Variants in FBXL13 observed in about 807,000 individuals in gnomAD.
FBXL13 encodes the protein F-box and leucine-rich repeat protein 13.
In FBXL13, 67 loss-of-function variants were observed where a neutral mutation model predicts 83.6. The observed-to-expected ratio is 0.80, with a 90% CI of 0.66 to 0.98. FBXL13 has a LOEUF of 0.98. Among genes scored for constraint, FBXL13 ranks in the 50% least tolerant of loss-of-function variants. The pLI is 0.00. For missense variants in FBXL13, 822 were observed against 866.5 expected (o/e 0.95, Z 0.64); for synonymous variants, 272 against 299.5 (o/e 0.91, Z 0.95).
intron 14 of FBXL13, among the ~76,000 whole-genome samples, chr7:102,881,777 TG>T (rs144077533): frequency 0.015 from 2,220 of 152,310 alleles, 49 homozygotes; most frequent in African/African-American, 0.05. Flanking sequence ...AAGGTTTGAC[TG>T]GGGCTGTAGG....
chr7:102,917,809 GC>G lies in FBXL13; in HGVS notation c.879-4595del, dbSNP rs561678174. Reference sequence around the variant, plus strand: ...AGAGGCAGCACCACCAGGATACTGTGCCAAATGAGGTGCTGAGAGTGCCACC... The same window carrying G: ...AGAGGCAGCACCACCAGGATACTGTGCAAATGAGGTGCTGAGAGTGCCACC... On this transcript the variant is annotated intron_variant, in intron 10 of 19. Coordinates refer to ENST00000313221, the Ensembl canonical transcript of FBXL13. 3.3e-5 allele frequency among the ~76,000 whole-genome samples: 5 copies of G among 152,326 alleles called. No individual in the cohort carries two copies. The East Asian group carries it at 9.6e-4, about 29-fold the overall frequency.
chr7:102,954,242 A>G (rs1458497384), intron 8 of FBXL13, among the ~76,000 whole-genome samples: 1 of 152,176 alleles, frequency 6.6e-6, no homozygotes, highest in Non-Finnish European at 1.5e-5. Flanking sequence ...GCACTTTAAC[A>G]TTCTTAAAGA....
At chr7:102,926,507 T>A in intron 9 of FBXL13, 133 bp from the exon 11 acceptor site, 1 of 643,068 alleles carries the variant, frequency 1.6e-6, no homozygotes. Flanking sequence ...ATATTCTTTA[T>A]CTACTATTAG....
intron 14 of FBXL13, among the ~76,000 whole-genome samples, chr7:102,878,983 C>G (rs1213398343): frequency 6.6e-6 from 1 of 152,166 alleles, no homozygotes; most frequent in Non-Finnish European, 1.5e-5. Flanking sequence ...CCAAACTATC[C>G]TAATCAGAAA....
chr7:102,908,464 G>A (rs1163742194), intron 11 of FBXL13, among the ~76,000 whole-genome samples: 8 of 151,760 alleles, frequency 5.3e-5, no homozygotes, highest in Non-Finnish European at 1.2e-4. Context: ...TGGTATTGAT[G>A]CCAGTATTCT....
At chr7:102,834,085 GAAAA>G (rs1432985906) in intron 17 of FBXL13, among the ~76,000 whole-genome samples, 1,922 of 78,642 alleles carry the variant, frequency 0.024, 46 homozygotes, top group African/African-American at 0.042. Flanking sequence ...AGGAAGGAAA[GAAAA>G]GAAAGAAAGA....
At chr7:102,943,964 C>G (rs1333702557) in intron 8 of FBXL13, among the ~76,000 whole-genome samples, 1 of 152,048 alleles carries the variant, frequency 6.6e-6, no homozygotes, top group Non-Finnish European at 1.5e-5. Flanking sequence ...ATTCTTGCAT[C>G]ATAAAGGTGA....
rs576222320 is a variant in FBXL13 at position 103,042,333 on chromosome 7, C to G, written c.1-12915G>C. Among the ~76,000 whole-genome samples, 9 of 152,254 alleles carry G rather than the reference C, an allele frequency of 5.9e-5. 1 individual carries two copies. The South Asian group carries it at 1.9e-3, about 32-fold the overall frequency. The stretch of plus-strand genomic sequence containing the variant: ...TCAACACAATAAAAGAGGACACAAA[C>G]AAATGGAAGAACATTCCATGCTCAT... On this transcript the variant is annotated intron_variant, in intron 2 of 19. Transcript: ENST00000313221.
At chr7:102,963,095 G>A (rs1477864224) in intron 8 of FBXL13, among the ~76,000 whole-genome samples, 2 of 150,906 alleles carry the variant, frequency 1.3e-5, no homozygotes, top group Non-Finnish European at 3.0e-5. Context: ...GAGGCGGGTG[G>A]ATCACTTGAG....
downstream of FBXL13, among the ~76,000 whole-genome samples, chr7:102,812,182 C>T (rs544560924): frequency 6.6e-6 from 1 of 152,328 alleles, no homozygotes; most frequent in Admixed American, 6.5e-5. Context: ...ACTGTGTCAA[C>T]ATCAGTGTTA....
At chr7:103,048,337 T>A (rs998981538) in intron 2 of FBXL13, among the ~76,000 whole-genome samples, 1 of 151,732 alleles carries the variant, frequency 6.6e-6, no homozygotes, top group Non-Finnish European at 1.5e-5. Context: ...GGCAAAAACC[T>A]TTACTCATTG....
At chr7:102,827,773 A>G (rs10233721) in intron 18 of FBXL13, among the ~76,000 whole-genome samples, 69,555 of 151,726 alleles carry the variant, frequency 0.46, 17,828 homozygotes, top group African/African-American at 0.7. Flanking sequence ...GAGAACATGC[A>G]GTGTTTGGTT....
At chr7:102,831,319 G>A (rs1800624522) in intron 18 of FBXL13, among the ~76,000 whole-genome samples, 1 of 151,962 alleles carries the variant, frequency 6.6e-6, no homozygotes, top group East Asian at 1.9e-4. Flanking sequence ...AAGGTCTGGA[G>A]GGATGGGATC....
chr7:102,813,923 T>G (rs1048846478), intron 19 of FBXL13, among the ~76,000 whole-genome samples: 8 of 152,034 alleles, frequency 5.3e-5, no homozygotes, highest in African/African-American at 1.9e-4. Context: ...GGCCAGGAGC[T>G]CTTAACCCAG....
intron 16 of FBXL13, among the ~76,000 whole-genome samples, chr7:102,867,695 AT>A (rs1205859622): frequency 0.02 from 955 of 48,970 alleles, 2 homozygotes; most frequent in Non-Finnish European, 0.025. Context: ...ATATATATAT[AT>A]TTTTTTTTTT....
At chr7:102,901,725 A>C (rs1812984877) in intron 11 of FBXL13, among the ~76,000 whole-genome samples, 1 of 152,170 alleles carries the variant, frequency 6.6e-6, no homozygotes, top group South Asian at 2.1e-4. Context: ...TGACATAATG[A>C]TCTCCAGTTC....
In FBXL13 at chr7:102,948,085, T is replaced by C. The variant is rs181077094; in HGVS notation, c.724+15448A>G. ...AGGATCTTTTTTTTTTTTTTTTGAG[T>C]TGGAGTCTCCCTCTGTCACCCAGGC... On this transcript the variant is annotated intron_variant, in intron 8 of 19. Coordinates refer to ENST00000313221, the Ensembl canonical transcript of FBXL13. 1.2e-3 allele frequency among the ~76,000 whole-genome samples: 188 copies of C among 150,490 alleles called. 3 individuals carry two copies. Among genetic ancestry groups the C allele is most frequent in the Admixed American group, 7.0e-3 (105 of 15,048 alleles).
intron 6 of FBXL13, among the ~76,000 whole-genome samples, chr7:103,022,340 G>C (rs1000153446): frequency 2.0e-5 from 3 of 149,238 alleles, no homozygotes; most frequent in Admixed American, 6.7e-5. Flanking sequence ...TGGGGTGGGG[G>C]GAGGGGTGAG....
At chr7:103,027,660 G>A (rs186848221) in intron 4 of FBXL13, 102 bp from the exon 6 acceptor site, 11 of 661,408 alleles carry the variant, frequency 1.7e-5, no homozygotes, top group Admixed American at 1.3e-4. Flanking sequence ...AGACAATGTC[G>A]CATCTGATCG....
Sources: gnomAD v4.1 joint callset for allele counts (sites outside exome capture counted in the v4.1 genomes callset) on GRCh38, gnomAD v4.1.1 for gene constraint, MANE v1.5 for transcripts, NCBI Gene and HGNC (gene_info 2026-07-23, HGNC 2026-07-21) for gene names.